Variants in ENPP2 observed in about 807,000 individuals in gnomAD.
The protein encoded by ENPP2 is autotaxin.
ENPP2 carries 51 observed loss-of-function variants against 120.2 expected under a neutral mutation model. The ratio of observed to expected loss-of-function variants is 0.42; its 90% confidence interval spans 0.34 to 0.54. The LOEUF is 0.54. ENPP2 is among the 20% of genes least tolerant of loss of function. ENPP2 has a pLI of 0.04. For missense variants in ENPP2, 920 were observed against 1,066.5 expected, an observed-to-expected ratio of 0.86 and a Z score of 1.91; for synonymous variants, 365 against 366.4, an observed-to-expected ratio of 1.00 and a Z score of 0.04.
intron 17 of ENPP2, among the ~76,000 whole-genome samples, chr8:119,583,221 C>T (rs1434630920): frequency 6.6e-6 from 1 of 152,216 alleles, no homozygotes; most frequent in Non-Finnish European, 1.5e-5. Flanking sequence ...GGAGACCCGA[C>T]TTGCAGACTC....
At chr8:119,586,728 A>G (rs988247355) in intron 14 of ENPP2, among the ~76,000 whole-genome samples, 14 of 152,238 alleles carry the variant, frequency 9.2e-5, no homozygotes, top group Non-Finnish European at 1.6e-4. Flanking sequence ...TCCGGGAACA[A>G]TGGAGCAGAG....
chr8:119,604,222 T>C (rs554410251), intron 9 of ENPP2, among the ~76,000 whole-genome samples: 1 of 152,162 alleles, frequency 6.6e-6, no homozygotes, highest in African/African-American at 2.4e-5. Context: ...GAGACGGGGT[T>C]TCACCATGTT....
At chr8:119,570,936 C>A in intron 19 of ENPP2, 95 bp from the exon 20 acceptor site, 1 of 739,132 alleles carries the variant, frequency 1.4e-6, no homozygotes, top group Non-Finnish European at 2.1e-6. Context: ...CCTAAAATGG[C>A]TAGCTTACTT....
At chr8:119,600,609 G>T in intron 11 of ENPP2, 69 bp downstream of exon 11, 1 of 963,414 alleles carries the variant, frequency 1.0e-6, no homozygotes, top group South Asian at 1.4e-5. Context: ...TACAATTCCT[G>T]AAATAAAGTC....
rs188804773 is a variant in ENPP2 at position 119,565,674 on chromosome 8, T to C, written c.2132-719A>G. On this transcript the variant is annotated intron_variant, in intron 22 of 24. Coordinates refer to ENST00000075322, the MANE Select transcript of ENPP2 (RefSeq NM_001040092.3). ...AAAGTACATCCCAATTATCCCAAAT[T>C]TGACCACCTCTCATCTTTTCACTGC... Among the ~76,000 whole-genome samples the C allele has an allele frequency of 3.3e-5, 5 of 151,878 alleles. No homozygotes were observed. In the East Asian group the frequency reaches 9.7e-4, roughly 30 times the overall value.
At chr8:119,595,336 A>G (rs1813810705) in intron 11 of ENPP2, among the ~76,000 whole-genome samples, 1 of 152,176 alleles carries the variant, frequency 6.6e-6, no homozygotes, top group African/African-American at 2.4e-5. Context: ...ACTTGTGGAA[A>G]TTACATACAA....
At chr8:119,638,891 G>C (rs901493052), upstream of ENPP2, 16 of 1,346,682 alleles carry the variant, frequency 1.2e-5, no homozygotes, top group African/African-American at 2.3e-4. Context: ...CCACCTGGGA[G>C]GTTGACAGAC....
intron 1 of ENPP2, among the ~76,000 whole-genome samples, chr8:119,672,108 T>C (rs1563786884): frequency 1.3e-5 from 2 of 152,132 alleles, no homozygotes; most frequent in Non-Finnish European, 2.9e-5. Flanking sequence ...GCCAGGTGAC[T>C]GGGTGTGAAG....
At chr8:119,599,224 T>A (rs554022783) in intron 11 of ENPP2, among the ~76,000 whole-genome samples, 1 of 152,314 alleles carries the variant, frequency 6.6e-6, no homozygotes, top group South Asian at 2.1e-4. Flanking sequence ...AGCATCTGAC[T>A]TATATAACTT....
chr8:119,629,560 G>A (rs968945120), intron 2 of ENPP2, among the ~76,000 whole-genome samples: 14 of 152,132 alleles, frequency 9.2e-5, no homozygotes, highest in African/African-American at 3.4e-4. Flanking sequence ...CATCAGATCA[G>A]TTCAACTAAA....
intron 18 of ENPP2, 135 bp downstream of exon 18, chr8:119,582,283 A>T: frequency 1.5e-6 from 1 of 651,764 alleles, no homozygotes; most frequent in Non-Finnish European, 2.6e-6. Context: ...TGAGTTCCTC[A>T]GTCACACTAG....
chr8:119,608,016 T>C (rs748372563), intron 8 of ENPP2, 39 bp from the exon 9 acceptor site: 1 of 1,482,464 alleles, frequency 6.7e-7, no homozygotes, highest in Admixed American at 2.0e-5. Flanking sequence ...ATGTGTTCTG[T>C]GTTTTTGTCA....
rs765955147 is a variant in ENPP2 at position 119,564,896 on chromosome 8, C to G, written c.2191G>C (p.Val731Leu). The G allele has an allele frequency of 6.2e-7, 1 of 1,612,790 alleles. No individual in the cohort carries two copies. Among genetic ancestry groups the G allele is most frequent in the South Asian group, 1.1e-5 (1 of 91,028 alleles). The stretch of plus-strand genomic sequence containing the variant: ...AAGATTGGTCCACTTATCACGTTAA[C>G]TCCATTTCTTTCCGAAGCATATTTC... ...VKKYASERNG[V>L]NVISGPIFDY... Residue 731 changes from valine to leucine, a missense_variant, in exon 23 of 25, where the codon GTT (valine) becomes CTT (leucine). Transcript: ENST00000075322.
intron 15 of ENPP2, 145 bp from the exon 16 acceptor site, chr8:119,584,194 A>G: frequency 1.6e-6 from 1 of 615,638 alleles, no homozygotes; most frequent in Non-Finnish European, 2.9e-6. Context: ...GTGATGATGA[A>G]AAGAGGATCC....
intron 1 of ENPP2, among the ~76,000 whole-genome samples, chr8:119,666,465 T>C (rs983657862): frequency 6.6e-6 from 1 of 151,940 alleles, no homozygotes; most frequent in Non-Finnish European, 1.5e-5. Context: ...ATGCAACCTA[T>C]CACATTATAA....
At chr8:119,572,363 C>T (rs1405605100) in intron 19 of ENPP2, 7 of 792,364 alleles carry the variant, frequency 8.8e-6, no homozygotes, top group African/African-American at 5.2e-5. Context: ...GGCATCTAAT[C>T]GATTCCATTA....
At position 119,570,725 on chromosome 8, in the gene ENPP2, A is replaced by C. The variant is rs1429119166; in HGVS notation, c.1897T>G (p.Ser633Ala). 6.3e-6 allele frequency: 10 copies of C among 1,578,216 alleles called. No individual in the cohort carries two copies. Among genetic ancestry groups the C allele is most frequent in the Non-Finnish European group, 8.6e-6 (10 of 1,160,716 alleles). ...ATGACCTGTTTGGAAACAGTATATG[A>C]TGTCCAGAGTGGCATTAGGAATATT... ...SEIFLMPLWTSYTVSKQAEVS... is the reference protein window; with the variant it reads ...SEIFLMPLWTAYTVSKQAEVS... Residue 633 changes from serine to alanine, a missense_variant, in exon 20 of 25, where the codon TCA becomes GCA. Ser to Ala is a moderately conservative substitution (Grantham distance 99). Coordinates refer to ENST00000075322, the MANE Select transcript of ENPP2 (RefSeq NM_001040092.3).
In ENPP2 at chr8:119,604,294, C is replaced by A. The variant is rs185231667; in HGVS notation, c.834-2832G>T. ...CCACCCGCTTCAGCCTCCCAAAGTG[C>A]TGGGATTACAGGCATGAGCCACCAC... On this transcript the variant is annotated intron_variant, in intron 9 of 24. Transcript: ENST00000075322. Among the ~76,000 whole-genome samples the A allele has an allele frequency of 3.1e-3, 471 of 152,222 alleles. 1 individual carries two copies. Among genetic ancestry groups the A allele is most frequent in the African/African-American group, 0.011 (443 of 41,534 alleles).
At chr8:119,623,969 G>A (rs1473524065) in intron 3 of ENPP2, among the ~76,000 whole-genome samples, 8 of 151,940 alleles carry the variant, frequency 5.3e-5, no homozygotes, top group African/African-American at 1.2e-4. Context: ...ATCTCTTCTC[G>A]AGGAGATTAA....
Sources: allele counts gnomAD v4.1 joint callset (sites outside exome capture counted in the v4.1 genomes callset), GRCh38; gene constraint gnomAD v4.1.1; transcripts MANE v1.5; gene names NCBI Gene and HGNC (gene_info 2026-07-23, HGNC 2026-07-21).